Variants in INO80C observed in about 807,000 individuals in gnomAD.
The protein encoded by INO80C is INO80 complex subunit C.
INO80C carries 17 observed loss-of-function variants against 17.7 expected under a neutral mutation model. That is an observed-to-expected ratio of 0.96 (90% CI 0.66 to 1.44). INO80C has a LOEUF of 1.44. Among genes scored for constraint, INO80C ranks in the 40% most tolerant of loss-of-function variants. The probability of loss-of-function intolerance (pLI) is 0.00; values close to 1 mark genes in which losing one functional copy is unlikely to be tolerated. For synonymous variants in INO80C, 96 were observed against 95.8 expected, an observed-to-expected ratio of 1.00 and a Z score of -0.01; for missense variants, 244 against 245.0, an observed-to-expected ratio of 1.00 and a Z score of 0.03.
At chr18:35,492,627 G>A (rs1384746751) in intron 1 of INO80C, among the ~76,000 whole-genome samples, 1 of 152,146 alleles carries the variant, frequency 6.6e-6, no homozygotes, top group Non-Finnish European at 1.5e-5. Flanking sequence ...TTACTTTTGT[G>A]TTTTACAAAA....
intron 1 of INO80C, 128 bp downstream of exon 1, chr18:35,497,591 G>C: frequency 7.0e-7 from 1 of 1,433,868 alleles, no homozygotes; most frequent in Non-Finnish European, 9.1e-7. Flanking sequence ...CCGCGGGGCA[G>C]CGTCTTTCAA....
intron 1 of INO80C, among the ~76,000 whole-genome samples, chr18:35,493,882 C>T (rs554839661): frequency 1.4e-4 from 21 of 152,328 alleles, no homozygotes; most frequent in African/African-American, 3.6e-4. Flanking sequence ...AAATTACTGA[C>T]GTAGGGAAAT....
At chr18:35,490,608 G>A (rs2045924160) in intron 1 of INO80C, among the ~76,000 whole-genome samples, 1 of 152,142 alleles carries the variant, frequency 6.6e-6, no homozygotes, top group Non-Finnish European at 1.5e-5. Flanking sequence ...ACACTAAAGG[G>A]AAAGGGAAAA....
At chr18:35,469,837 C>A (rs564443465) in intron 4 of INO80C, among the ~76,000 whole-genome samples, 2 of 152,250 alleles carry the variant, frequency 1.3e-5, no homozygotes, top group African/African-American at 2.4e-5. Flanking sequence ...GTTTGTATAA[C>A]AAAATGAATG....
intron 1 of INO80C, among the ~76,000 whole-genome samples, chr18:35,486,787 A>G (rs1203020634): frequency 2.4e-5 from 3 of 123,362 alleles, no homozygotes; most frequent in Admixed American, 1.5e-4. Context: ...CCAATTTCTT[A>G]AAAAAAAAAA....
At position 35,497,619 on chromosome 18, in the gene INO80C, C is replaced by G. The variant is rs565859503; in HGVS notation, c.156+100G>C. ...TCTTTCAACCCCAACGGAGACCGCA[C>G]GCGCAGCGCCCCACATTACGCACGC... is the stretch of plus-strand genomic sequence containing the variant. On this transcript the variant is annotated intron_variant, in intron 1 of 4. Transcript: ENST00000334598. 5 of 1,472,596 alleles carry G rather than the reference C, an allele frequency of 3.4e-6. No individual in the cohort carries two copies. In the East Asian group the frequency reaches 1.0e-4, roughly 30 times the overall value. The allele number at this position is 1,472,596 out of a possible 1,614,324, so 91.2% of individuals were successfully genotyped here.
chr18:35,487,587 T>C (rs1567986434), intron 1 of INO80C: 1 of 159,696 alleles, frequency 6.3e-6, no homozygotes. Flanking sequence ...TCCCACCGGG[T>C]TCCTCCCACA....
chr18:35,479,066 G>T, intron 3 of INO80C: 1 of 387,794 alleles, frequency 2.6e-6, no homozygotes, highest in Non-Finnish European at 4.6e-6. Flanking sequence ...TTATCATATT[G>T]GGACCTATGA....
chr18:35,470,528 G>C (rs962281402), intron 4 of INO80C, among the ~76,000 whole-genome samples: 2 of 152,164 alleles, frequency 1.3e-5, no homozygotes, highest in South Asian at 2.1e-4. Context: ...CTGCAGTTCC[G>C]AGCAGAGTGT....
At position 35,497,818 on chromosome 18, in the gene INO80C, G is replaced by A. The variant is rs1567992520; in HGVS notation, c.57C>T (p.Asn19=). Reference sequence around the variant, plus strand: ...AAGGGCTGGCCGGCCTCTTCTTGCTGTTCCGGACTATTCCGGGAGTGGAAG... The same window carrying A: ...AAGGGCTGGCCGGCCTCTTCTTGCTATTCCGGACTATTCCGGGAGTGGAAG... The part of the protein sequence containing the change: ...ATTSTPGIVR[N]SKKRPASPSH... The change falls in exon 1 of 5, where the codon AAC becomes AAT. Residue 19 remains asparagine, a synonymous_variant. Coordinates refer to ENST00000334598, the MANE Select transcript of INO80C (RefSeq NM_194281.4). 1.9e-6 allele frequency: 3 copies of A among 1,611,430 alleles called. No individual in the cohort carries two copies. The highest frequency in any genetic ancestry group is 1.7e-6 in the Non-Finnish European group (2 of 1,178,646).
At chr18:35,468,958 G>A (rs1309380250) in intron 4 of INO80C, among the ~76,000 whole-genome samples, 4 of 152,088 alleles carry the variant, frequency 2.6e-5, no homozygotes, top group Non-Finnish European at 5.9e-5. Flanking sequence ...AGAGGAAGGG[G>A]AATGACCACA....
chr18:35,473,339 G>A (rs1427049775), intron 4 of INO80C, among the ~76,000 whole-genome samples: 1 of 152,230 alleles, frequency 6.6e-6, no homozygotes, highest in East Asian at 1.9e-4. Flanking sequence ...TGAGAAAAGA[G>A]AAGCTCACAA....
Position 35,483,255 on chromosome 18 carries a change from C to T in INO80C, c.157-2692G>A, listed in dbSNP as rs115468775. On this transcript the variant is annotated intron_variant, in intron 1 of 4. Transcript: ENST00000334598. ...ATCATATTTCTACCAGGTACCTGTA[C>T]TCTGGGAGACCCAGTCTGATAAGGA... Among the ~76,000 whole-genome samples the T allele has an allele frequency of 6.3e-3, 965 of 152,246 alleles. 9 individuals are homozygous for T. The highest frequency in any genetic ancestry group is 0.022 in the African/African-American group (907 of 41,534).
At chr18:35,497,347 C>T in intron 1 of INO80C, 1 of 985,394 alleles carries the variant, frequency 1.0e-6, no homozygotes, top group Non-Finnish European at 1.2e-6. Context: ...CGCTATGCGC[C>T]TCAAAGACAC....
At chr18:35,474,160 CATAT>C (rs34417349) in intron 4 of INO80C, among the ~76,000 whole-genome samples, 6 of 101,866 alleles carry the variant, frequency 5.9e-5, no homozygotes, top group Non-Finnish European at 7.9e-5. Context: ...TTAAAATATA[CATAT>C]ATATATATAT....
At position 35,480,460 on chromosome 18, in the gene INO80C, T is replaced by C. The variant is rs1411547079; in HGVS notation, c.260A>G (p.Asn87Ser). The C allele has an allele frequency of 2.5e-6, 4 of 1,608,712 alleles. No individual in the cohort carries two copies. Among genetic ancestry groups the C allele is most frequent in the Non-Finnish European group, 3.4e-6 (4 of 1,174,998 alleles). The stretch of plus-strand genomic sequence containing the variant: ...AATACCTTCGATGCTTACCACAAAG[T>C]TGGGATCCTTAAATGGCAAAGGTTT... ...AAKPLPFKDP[N>S]FVHSGHGGAV... Residue 87 changes from asparagine to serine, a missense_variant, in exon 2 of 5, where the codon AAC (asparagine) becomes AGC (serine). Asn to Ser is a conservative substitution (Grantham distance 46). Coordinates refer to ENST00000334598, the MANE Select transcript of INO80C (RefSeq NM_194281.4).
In INO80C at chr18:35,468,446, A is replaced by G. The variant is rs984038932; in HGVS notation, c.*165T>C. 3 of 1,362,860 alleles carry G rather than the reference A, an allele frequency of 2.2e-6. No individual in the cohort carries two copies. The African/African-American group carries it at 7.1e-5, about 32-fold the overall frequency. The allele number at this position is 1,362,860 out of a possible 1,614,324, so 84.4% of individuals were successfully genotyped here. On this transcript the variant is annotated 3_prime_UTR_variant, in exon 5 of 5. Transcript: ENST00000334598. ...TATCACACTTGGAGGGAAAACACAC[A>G]CTAAAAAAAAAAAAAACCCTTAAAT...
At position 35,468,709 on chromosome 18, in the gene INO80C, A is replaced by T. The variant is rs1390483477; in HGVS notation, c.481T>A (p.Phe161Ile). The T allele has an allele frequency of 1.2e-6, 2 of 1,614,216 alleles. No homozygotes were observed. Among genetic ancestry groups the T allele is most frequent in the South Asian group, 1.1e-5 (1 of 91,078 alleles). The change falls in exon 5 of 5, where the codon TTC (phenylalanine) becomes ATC (isoleucine). Residue 161 changes from phenylalanine to isoleucine, a missense_variant. Phe to Ile is a conservative substitution (Grantham distance 21, BLOSUM62 0). Transcript: ENST00000334598. ...NYTDPQSKLRFSTIEEFSYIR... is the reference protein window; with the variant it reads ...NYTDPQSKLRISTIEEFSYIR... The stretch of plus-strand genomic sequence containing the variant: ...TAGGAAAACTCTTCAATGGTGCTGA[A>T]CCGCAGTTTGCTCTGGGGGTCTGTG...
At chr18:35,490,836 G>A (rs1731954332) in intron 1 of INO80C, among the ~76,000 whole-genome samples, 1 of 152,114 alleles carries the variant, frequency 6.6e-6, no homozygotes, top group Non-Finnish European at 1.5e-5. Context: ...GATCACTGCA[G>A]CCTCAACCTC....
Sources: gnomAD v4.1 joint callset for allele counts (sites outside exome capture counted in the v4.1 genomes callset) on GRCh38, gnomAD v4.1.1 for gene constraint, MANE v1.5 for transcripts, NCBI Gene and HGNC (gene_info 2026-07-23, HGNC 2026-07-21) for gene names.